The following SGK3 variants were observed in gnomAD, a reference collection of about 807,000 sequenced individuals.
SGK3 encodes serine/threonine-protein kinase Sgk3.
In SGK3, 47 loss-of-function variants were observed where a neutral mutation model predicts 68.5. The ratio of observed to expected loss-of-function variants is 0.69; its 90% confidence interval spans 0.54 to 0.87. The LOEUF is 0.87. Ranked by LOEUF, SGK3 falls within the 40% of genes least tolerant of loss-of-function variation. The pLI is 0.00. For synonymous variants in SGK3, 181 were observed against 189.1 expected (o/e 0.96, Z 0.35); for missense variants, 479 against 575.5 (o/e 0.83, Z 1.72).
chr8:66,778,693 A>T (rs576250233), intron 1 of SGK3, among the ~76,000 whole-genome samples: 1 of 152,346 alleles, frequency 6.6e-6, no homozygotes, highest in South Asian at 2.1e-4. Flanking sequence ...TACAGTATAG[A>T]CAAATGAAGA....
intron 1 of SGK3, among the ~76,000 whole-genome samples, chr8:66,727,832 A>C (rs1488296310): frequency 6.6e-6 from 1 of 152,240 alleles, no homozygotes; most frequent in Non-Finnish European, 1.5e-5. Context: ...ATAGCAGCAC[A>C]AATGGACTAA....
chr8:66,785,970 TG>T (rs1053252064), intron 1 of SGK3, among the ~76,000 whole-genome samples: 3 of 152,216 alleles, frequency 2.0e-5, no homozygotes, highest in Admixed American at 1.3e-4. Flanking sequence ...TACATATATA[TG>T]AATCTCCCAA....
intron 5 of SGK3, among the ~76,000 whole-genome samples, chr8:66,817,500 G>A (rs1372839544): frequency 6.6e-6 from 1 of 151,498 alleles, no homozygotes; most frequent in African/African-American, 2.4e-5. Flanking sequence ...CCACAGGTGT[G>A]TGCCACCACA....
chr8:66,774,092 C>A (rs1806605012), intron 1 of SGK3, among the ~76,000 whole-genome samples: 1 of 152,112 alleles, frequency 6.6e-6, no homozygotes, highest in African/African-American at 2.4e-5. Flanking sequence ...TTGAGCCTGG[C>A]AGGACAAACT....
chr8:66,769,160 A>G (rs564498210), intron 1 of SGK3, among the ~76,000 whole-genome samples: 1 of 152,246 alleles, frequency 6.6e-6, no homozygotes, highest in Admixed American at 6.5e-5. Flanking sequence ...CTTCTCCTTC[A>G]GGGAATCTAA....
chr8:66,843,463 T>G lies in SGK3; in HGVS notation c.990T>G (p.Pro330=), dbSNP rs774022905. The G allele has an allele frequency of 7.4e-6, 12 of 1,613,404 alleles. No homozygotes were observed. The change falls in exon 14 of 17, where the codon CCT becomes CCG. Residue 330 remains proline, a synonymous_variant. Transcript: ENST00000521198. ...ATTGTTTTCTATAGTATCTTGCACC[T>G]GAAGTAATTAGAAAACAGCCCTATG... is the stretch of plus-strand genomic sequence containing the variant. ...TFCGTPEYLA[P]EVIRKQPYDN... is the part of the protein sequence containing the mutation.
chr8:66,767,642 G>A (rs1395349772), intron 1 of SGK3: 2 of 1,375,174 alleles, frequency 1.5e-6, no homozygotes, highest in South Asian at 1.2e-5. Flanking sequence ...AAGCCTAGAG[G>A]ATTGAAGGGA....
intron 1 of SGK3, among the ~76,000 whole-genome samples, chr8:66,777,672 C>T (rs77650079): frequency 0.026 from 3,981 of 152,252 alleles, 184 homozygotes; most frequent in African/African-American, 0.089. Flanking sequence ...CACTTACAGC[C>T]CTGCAGTTCC....
chr8:66,790,893 G>A (rs1238283960), intron 1 of SGK3: 1 of 152,182 alleles, frequency 6.6e-6, no homozygotes, highest in African/African-American at 2.4e-5. Flanking sequence ...AGGTTTTCAG[G>A]ACACTTGTCA....
At chr8:66,744,528 T>TGTTG (rs1430333048) in intron 1 of SGK3, among the ~76,000 whole-genome samples, 5 of 114,186 alleles carry the variant, frequency 4.4e-5, no homozygotes, top group Admixed American at 9.7e-5. Flanking sequence ...TATTTTTTTT[T>TGTTG]TTTTTTTTTT....
intron 1 of SGK3, among the ~76,000 whole-genome samples, chr8:66,779,349 C>G (rs1441735899): frequency 6.6e-6 from 1 of 151,748 alleles, no homozygotes. Flanking sequence ...GTAAATGTTT[C>G]TGTCACTTAA....
chr8:66,816,938 C>A (rs142001446), intron 5 of SGK3, among the ~76,000 whole-genome samples: 156 of 152,232 alleles, frequency 1.0e-3, no homozygotes, highest in Non-Finnish European at 1.2e-3. Context: ...TCAAGCAGTT[C>A]TCTCACTTCA....
intron 1 of SGK3, among the ~76,000 whole-genome samples, chr8:66,773,398 A>G (rs933619855): frequency 6.6e-6 from 1 of 152,284 alleles, no homozygotes; most frequent in African/African-American, 2.4e-5. Flanking sequence ...ATGATACAGT[A>G]TTACCCCCTT....
At chr8:66,798,365 A>G (rs1807786427) in intron 2 of SGK3, among the ~76,000 whole-genome samples, 177 bp from the exon 3 acceptor site, 1 of 152,074 alleles carries the variant, frequency 6.6e-6, no homozygotes, top group Non-Finnish European at 1.5e-5. Context: ...TATGTATCTT[A>G]GAGAATCATA....
intron 4 of SGK3, among the ~76,000 whole-genome samples, chr8:66,809,008 T>G (rs1808275667): frequency 6.6e-6 from 1 of 151,876 alleles, no homozygotes; most frequent in East Asian, 1.9e-4. Context: ...TAGCTGGGAT[T>G]ACAGGCGTGT....
In SGK3 at chr8:66,835,763, GTTC is replaced by G; in HGVS notation, c.532_534del (p.Leu178del). 1 of 1,610,710 alleles carries G rather than the reference GTTC, an allele frequency of 6.2e-7. No homozygotes were observed. The highest frequency in any genetic ancestry group is 8.5e-7 in the Non-Finnish European group (1 of 1,179,228). On this transcript the variant is annotated inframe_deletion and splice_region_variant, in exon 9 of 17. Coordinates refer to ENST00000521198, the MANE Select transcript of SGK3 (RefSeq NM_001033578.3). ...ATACACTAATGTTTAACTATAACAG[GTTC>G]TTCTTGCAAAACGGAAACTGGATGG...
intron 4 of SGK3, among the ~76,000 whole-genome samples, chr8:66,809,582 G>A (rs571094722): frequency 3.6e-4 from 54 of 152,090 alleles, no homozygotes; most frequent in Non-Finnish European, 7.2e-4. Flanking sequence ...TAGAGGTTAC[G>A]AGAGTAAATT....
At chr8:66,832,370 A>G (rs1210523695) in intron 8 of SGK3, among the ~76,000 whole-genome samples, 2 of 152,166 alleles carry the variant, frequency 1.3e-5, no homozygotes, top group Non-Finnish European at 2.9e-5. Context: ...ATATTTTGCT[A>G]TATTTGTAGC....
chr8:66,811,474 T>C (rs1372675439), intron 4 of SGK3, among the ~76,000 whole-genome samples: 1 of 152,222 alleles, frequency 6.6e-6, no homozygotes, highest in African/African-American at 2.4e-5. Context: ...TACATTATAG[T>C]CTTACCTGGA....
Sources: gnomAD v4.1 joint callset for allele counts (sites outside exome capture counted in the v4.1 genomes callset) on GRCh38, gnomAD v4.1.1 for gene constraint, MANE v1.5 for transcripts, NCBI Gene and HGNC (gene_info 2026-07-23, HGNC 2026-07-21) for gene names.